The following DGKI variants were observed in gnomAD, a reference collection of about 807,000 sequenced individuals.
DGKI encodes the protein DAG kinase iota.
DGKI carries 55 observed loss-of-function variants against 147.5 expected under a neutral mutation model. The ratio of observed to expected loss-of-function variants is 0.37; its 90% CI spans 0.30 to 0.47. The LOEUF (loss-of-function observed/expected upper bound fraction) is 0.47. Among genes scored for constraint, DGKI ranks in the 20% least tolerant of loss-of-function variants. The pLI, the probability that DGKI is intolerant of heterozygous loss-of-function variation, is 1.00. For missense variants in DGKI, 1,007 were observed against 1,323.8 expected (o/e 0.76, Z 3.71); for synonymous variants, 469 against 477.1 (o/e 0.98, Z 0.22).
At chr7:137,623,172 G>GTGGTC (rs1820809573) in intron 7 of DGKI, among the ~76,000 whole-genome samples, 1 of 152,220 alleles carries the variant, frequency 6.6e-6, no homozygotes, top group Non-Finnish European at 1.5e-5. Flanking sequence ...GAGGGAAAAT[G>GTGGTC]TGGTCTAGGT....
At chr7:137,659,577 A>G (rs1822344506) in intron 3 of DGKI, among the ~76,000 whole-genome samples, 2 of 152,250 alleles carry the variant, frequency 1.3e-5, no homozygotes, top group South Asian at 4.1e-4. Context: ...AATAACTTAT[A>G]TGAGCCAGTG....
chr7:137,680,091 T>C (rs1040581740), intron 2 of DGKI, among the ~76,000 whole-genome samples: 5 of 147,544 alleles, frequency 3.4e-5, no homozygotes, highest in Middle Eastern at 3.6e-3. Flanking sequence ...TTCATGGGGG[T>C]GGAGCCCTCA....
intron 1 of DGKI, among the ~76,000 whole-genome samples, chr7:137,740,061 C>T (rs945748267): frequency 6.6e-6 from 1 of 152,170 alleles, no homozygotes; most frequent in Non-Finnish European, 1.5e-5. Context: ...CAACCTACCA[C>T]TGTATTTCAC....
rs964404370 is a variant in DGKI, at chr7:137,846,261, G to A, written c.401+201C>T. Among the ~76,000 whole-genome samples the A allele has an allele frequency of 1.3e-5, 2 of 151,676 alleles. No homozygotes were observed. Among genetic ancestry groups the A allele is most frequent in the African/African-American group, 4.8e-5 (2 of 41,252 alleles). ...CCAGTGCTTCTCTCCTGCCACAGGG[G>A]AAAGCAGGCGTTGCTGCCCTCCAGC... On this transcript the variant is annotated intron_variant, in intron 1 of 32. Coordinates refer to ENST00000614521, the MANE Select transcript of DGKI (RefSeq NM_001321708.2). The surrounding 1 kb of genome is among the most constrained non-coding windows in gnomAD (Gnocchi z 4.0).
rs774502167 is a variant in DGKI at position 137,395,607 on chromosome 7, C to T, written c.3048G>A (p.Thr1016=). Residue 1016 remains threonine, a synonymous_variant, in exon 32 of 33, where the codon ACG becomes ACA. Coordinates refer to ENST00000614521, the MANE Select transcript of DGKI (RefSeq NM_001321708.2). Reference sequence around the variant, plus strand: ...TCACTCATCGAGTTACCTTGGAGTCCGTCTTTCTCAGAGATGCTCCTGCAT... The same window carrying T: ...TCACTCATCGAGTTACCTTGGAGTCTGTCTTTCTCAGAGATGCTCCTGCAT... ...LVDAGASLRK[T]DSKGKTPQER... The T allele has an allele frequency of 2.7e-5, 43 of 1,614,026 alleles. No individual in the cohort carries two copies. Among genetic ancestry groups the T allele is most frequent in the Middle Eastern group, 3.3e-4 (2 of 6,060 alleles).
chr7:137,444,407 A>G (rs568977147), intron 27 of DGKI, among the ~76,000 whole-genome samples: 2 of 152,216 alleles, frequency 1.3e-5, no homozygotes, highest in African/African-American at 4.8e-5. Flanking sequence ...TGTAGTATAG[A>G]TGAAATCCTG....
chr7:137,570,692 A>T (rs1362597562), intron 19 of DGKI, among the ~76,000 whole-genome samples: 1 of 151,950 alleles, frequency 6.6e-6, no homozygotes, highest in Non-Finnish European at 1.5e-5. Flanking sequence ...CCTGTGTTCA[A>T]GCAATTATCC....
chr7:137,537,362 C>A (rs1817554003), intron 20 of DGKI, among the ~76,000 whole-genome samples: 1 of 152,192 alleles, frequency 6.6e-6, no homozygotes, highest in Non-Finnish European at 1.5e-5. Flanking sequence ...ACGAATGTAG[C>A]AATTCTCTCC....
chr7:137,791,360 A>G (rs1444692530), intron 1 of DGKI, among the ~76,000 whole-genome samples: 2 of 152,216 alleles, frequency 1.3e-5, no homozygotes, highest in Non-Finnish European at 2.9e-5. Flanking sequence ...TGGTCCTGAC[A>G]TAGGAAGATT....
At chr7:137,678,535 G>C in intron 3 of DGKI, 22 bp downstream of exon 3, 1 of 1,611,654 alleles carries the variant, frequency 6.2e-7, no homozygotes. Flanking sequence ...CCTTCCCCCA[G>C]CAAGACGGAG....
chr7:137,632,866 T>TAAACAAAC (rs59720973), intron 6 of DGKI, among the ~76,000 whole-genome samples: 23 of 145,230 alleles, frequency 1.6e-4, no homozygotes, highest in African/African-American at 3.7e-4. Flanking sequence ...CTCAAATAAA[T>TAAACAAAC]AAACAAACAA....
intron 3 of DGKI, 94 bp downstream of exon 3, chr7:137,678,463 C>T (rs557900538): frequency 3.7e-5 from 44 of 1,190,428 alleles, no homozygotes; most frequent in South Asian, 2.6e-4. Flanking sequence ...AGGACAGGCT[C>T]GTTCAAACCT....
intron 3 of DGKI, among the ~76,000 whole-genome samples, chr7:137,663,625 C>T (rs555395106): frequency 1.2e-4 from 19 of 152,152 alleles, no homozygotes; most frequent in Non-Finnish European, 2.6e-4. Context: ...AACGGTGTGT[C>T]TGGGGGTTGC....
intron 3 of DGKI, among the ~76,000 whole-genome samples, chr7:137,664,902 G>A (rs1822580095): frequency 6.6e-6 from 1 of 152,206 alleles, no homozygotes; most frequent in South Asian, 2.1e-4. Context: ...GAAAATTGAA[G>A]TTGTAGACAG....
rs139066709 is a variant in DGKI, at chr7:137,619,713, T to C, written c.993+111A>G. 437 of 764,584 alleles carry C rather than the reference T, an allele frequency of 5.7e-4. 2 individuals carry two copies. The African/African-American group carries it at 6.9e-3, about 12-fold the overall frequency. The allele number at this position is 764,584 out of a possible 1,614,324, so 47.4% of individuals were successfully genotyped here. A position where few individuals can be genotyped will look rare whatever the true frequency, so the allele number is the denominator to read the frequency against. On this transcript the variant is annotated intron_variant, in intron 8 of 32. Transcript: ENST00000614521. ...GAAGCTAAGCACAGGGCCTTGGGGA[T>C]GAGTGAACTGAGGTCATAGGAACCC...
chr7:137,475,709 T>C lies in DGKI; in HGVS notation c.2374-6090A>G, dbSNP rs1479020286. Among the ~76,000 whole-genome samples, 3 of 152,268 alleles carry C rather than the reference T, an allele frequency of 2.0e-5. No individual in the cohort carries two copies. The East Asian group carries it at 5.8e-4, about 29-fold the overall frequency. ...GGGTGGCCACTACACTAGGAACCAG[T>C]CTAGGTGCTCTGCATGCTTCTTTCT... On this transcript the variant is annotated intron_variant, in intron 23 of 32. Transcript: ENST00000614521.
chr7:137,663,831 G>A (rs1024376521), intron 3 of DGKI, among the ~76,000 whole-genome samples: 1 of 152,142 alleles, frequency 6.6e-6, no homozygotes, highest in Admixed American at 6.5e-5. Context: ...TGAGAACCAA[G>A]AACACTGCCT....
chr7:137,630,053 T>A (rs757168442), intron 6 of DGKI, among the ~76,000 whole-genome samples: 6 of 152,190 alleles, frequency 3.9e-5, no homozygotes, highest in Non-Finnish European at 7.3e-5. Context: ...CTATATTGGA[T>A]TATAGTAAAC....
At chr7:137,735,526 T>C (rs1794998501) in intron 1 of DGKI, among the ~76,000 whole-genome samples, 1 of 149,504 alleles carries the variant, frequency 6.7e-6, no homozygotes, top group Non-Finnish European at 1.5e-5. Context: ...ATCTGATGCA[T>C]ATGATGAGGT....
Sources: allele counts gnomAD v4.1 joint callset (sites outside exome capture counted in the v4.1 genomes callset), GRCh38; gene constraint gnomAD v4.1.1; non-coding constraint Gnocchi (gnomAD v3.1); transcripts MANE v1.5; gene names NCBI Gene and HGNC (gene_info 2026-07-23, HGNC 2026-07-21).